The following GATA6 variants were observed in gnomAD, a reference collection of about 807,000 sequenced individuals.
GATA6 encodes the protein GATA binding protein 6.
A neutral mutation model predicts 48.1 loss-of-function variants in GATA6; 11 were observed. The observed-to-expected ratio is 0.23, with a 90% CI of 0.14 to 0.38. The LOEUF (loss-of-function observed/expected upper bound fraction) is 0.38. Among genes scored for constraint, GATA6 ranks in the 10% least tolerant of loss-of-function variants. GATA6 has a pLI of 1.00. For missense variants in GATA6, 795 were observed against 850.3 expected, an observed-to-expected ratio of 0.93 and a Z score of 0.81; for synonymous variants, 419 against 396.1, an observed-to-expected ratio of 1.06 and a Z score of -0.69.
At chr18:22,174,193 G>A (rs1336764264) in intron 2 of GATA6, among the ~76,000 whole-genome samples, 1 of 152,212 alleles carries the variant, frequency 6.6e-6, no homozygotes, top group Admixed American at 6.5e-5. Flanking sequence ...CGTAGGGAAT[G>A]TGCAAGGGTG....
chr18:22,181,694 A>G, intron 4 of GATA6, 116 bp downstream of exon 4: 1 of 1,014,422 alleles, frequency 9.9e-7, no homozygotes, highest in South Asian at 1.3e-5. Context: ...GAATGCATAT[A>G]ATTTATTACT....
chr18:22,192,707 A>G (rs927369909), intron 6 of GATA6, among the ~76,000 whole-genome samples: 1 of 152,202 alleles, frequency 6.6e-6, no homozygotes, highest in Admixed American at 6.5e-5. Context: ...GTCCCACTTA[A>G]TTTGAAGATT....
chr18:22,177,882 G>A (rs2033143006), intron 3 of GATA6, among the ~76,000 whole-genome samples: 1 of 147,832 alleles, frequency 6.8e-6, no homozygotes, highest in Admixed American at 6.7e-5. Context: ...TAGAACTTGA[G>A]TAAAAGTGTG....
At chr18:22,198,151 C>T (rs560660670) in intron 6 of GATA6, among the ~76,000 whole-genome samples, 5 of 151,414 alleles carry the variant, frequency 3.3e-5, no homozygotes, top group African/African-American at 1.2e-4. Flanking sequence ...GTGATGCAAT[C>T]GTAGCTCACT....
intron 6 of GATA6, among the ~76,000 whole-genome samples, chr18:22,187,039 TTTTG>T (rs2033270718): frequency 1.3e-5 from 2 of 152,338 alleles, no homozygotes; most frequent in African/African-American, 2.4e-5. Flanking sequence ...TTGAAATTAT[TTTTG>T]TTTATTAAAA....
At chr18:22,181,711 G>A in intron 4 of GATA6, 133 bp downstream of exon 4, 12 of 876,004 alleles carry the variant, frequency 1.4e-5, no homozygotes, top group Non-Finnish European at 2.0e-5. Flanking sequence ...TACTGAATAT[G>A]TTTAATATAT....
Position 22,179,186 on chromosome 18 carries a change from T to C in GATA6, c.1302+2065T>C, listed in dbSNP as rs114097633. ...GTAAATGGGTTATAAATGATACCAATTGAAGGGTGTGTCACTATCAATTAG... is the reference window on the plus strand; with the variant it reads ...GTAAATGGGTTATAAATGATACCAACTGAAGGGTGTGTCACTATCAATTAG... On this transcript the variant is annotated intron_variant, in intron 3 of 6. Transcript: ENST00000269216. Among the ~76,000 whole-genome samples the C allele has an allele frequency of 5.4e-3, 822 of 152,338 alleles. 8 individuals carry two copies. Among genetic ancestry groups the C allele is most frequent in the African/African-American group, 0.019 (784 of 41,578 alleles).
intron 6 of GATA6, among the ~76,000 whole-genome samples, chr18:22,186,322 G>C (rs1321718938): frequency 1.3e-5 from 2 of 152,188 alleles, no homozygotes; most frequent in East Asian, 3.9e-4. Flanking sequence ...TCCATTTAGA[G>C]ATGTAAGTAG....
In GATA6 at chr18:22,172,042, C is replaced by T; in HGVS notation, c.898C>T (p.Leu300=). ...AGGCGTGAGCGGCGGCGGCAGTAGC[C>T]TGGCGGCCATGGGCGGCCGCGAGCC... is the stretch of plus-strand genomic sequence containing the variant. ...AGGVSGGGSS[L]AAMGGREPQY... is the part of the protein sequence containing the mutation. Residue 300 remains leucine, a synonymous_variant, in exon 2 of 7, where the codon CTG becomes TTG. Coordinates refer to ENST00000269216, the MANE Select transcript of GATA6 (RefSeq NM_005257.6). The surrounding 1 kb of genome is among the most constrained non-coding windows in gnomAD (Gnocchi z 5.2). 1 of 1,264,706 alleles carries T rather than the reference C, an allele frequency of 7.9e-7. No individual in the cohort carries two copies. Among genetic ancestry groups the T allele is most frequent in the Non-Finnish European group, 9.9e-7 (1 of 1,008,318 alleles). 78.3% of individuals were successfully genotyped at this position (1,264,706 alleles called of 1,614,324 possible).
intron 2 of GATA6, among the ~76,000 whole-genome samples, chr18:22,174,122 C>T (rs763680854): frequency 6.6e-6 from 1 of 152,168 alleles, no homozygotes; most frequent in Non-Finnish European, 1.5e-5. Context: ...GATGGAGAGG[C>T]TGGGAATCTC....
chr18:22,194,522 GT>G (rs2033366258), intron 6 of GATA6, among the ~76,000 whole-genome samples: 1 of 152,174 alleles, frequency 6.6e-6, no homozygotes, highest in Non-Finnish European at 1.5e-5. Flanking sequence ...GTTTGTTTAG[GT>G]TGGTCTAGGT....
chr18:22,173,843 C>T (rs1468720859), intron 2 of GATA6, among the ~76,000 whole-genome samples: 2 of 152,224 alleles, frequency 1.3e-5, no homozygotes, highest in Non-Finnish European at 2.9e-5. Flanking sequence ...CCACGTTGGT[C>T]AGGCTGTTTT....
intron 4 of GATA6, among the ~76,000 whole-genome samples, chr18:22,182,266 T>A (rs976704821): frequency 6.6e-6 from 1 of 152,206 alleles, no homozygotes; most frequent in African/African-American, 2.4e-5. Context: ...AAGGAATCTC[T>A]GCATTTGATG....
intron 3 of GATA6, among the ~76,000 whole-genome samples, chr18:22,180,692 A>T (rs1208156340): frequency 2.0e-5 from 3 of 151,882 alleles, no homozygotes; most frequent in African/African-American, 7.3e-5. Flanking sequence ...TTTTTTTTAA[A>T]AAAAACTTTT....
At chr18:22,197,379 T>C (rs2033404423) in intron 6 of GATA6, among the ~76,000 whole-genome samples, 1 of 152,168 alleles carries the variant, frequency 6.6e-6, no homozygotes, top group Non-Finnish European at 1.5e-5. Context: ...GCAATAATCT[T>C]ATGGCATAGG....
chr18:22,186,206 T>G (rs2033260253), intron 6 of GATA6, among the ~76,000 whole-genome samples: 2 of 152,220 alleles, frequency 1.3e-5, no homozygotes, highest in South Asian at 4.2e-4. Flanking sequence ...TGGTAGAAAT[T>G]AGTAGTGCAG....
intron 6 of GATA6, among the ~76,000 whole-genome samples, chr18:22,190,585 G>A (rs1803351355): frequency 6.6e-6 from 1 of 151,858 alleles, no homozygotes; most frequent in African/African-American, 2.4e-5. Context: ...ATCTCCCAAA[G>A]GGTCTGTGAG....
chr18:22,182,349 CTTTT>C (rs34089081), intron 4 of GATA6, among the ~76,000 whole-genome samples: 2 of 134,120 alleles, frequency 1.5e-5, no homozygotes, highest in African/African-American at 2.7e-5. Context: ...ATGCCAAGTT[CTTTT>C]TTTTTTTTTT....
intron 2 of GATA6, among the ~76,000 whole-genome samples, chr18:22,176,096 GAAT>G (rs1029489718): frequency 1.3e-4 from 20 of 152,114 alleles, no homozygotes; most frequent in African/African-American, 4.8e-4. Flanking sequence ...ACTAACCAAA[GAAT>G]AATAATAATA....
Sources: gnomAD v4.1 joint callset for allele counts (sites outside exome capture counted in the v4.1 genomes callset) on GRCh38, gnomAD v4.1.1 for gene constraint, Gnocchi (gnomAD v3.1) non-coding constraint, MANE v1.5 for transcripts, NCBI Gene and HGNC (gene_info 2026-07-23, HGNC 2026-07-21) for gene names.